TNFAIP8L3: variants seen among roughly 807,000 people sequenced by gnomAD.
The protein encoded by TNFAIP8L3 is tumor necrosis factor alpha-induced protein 8-like protein 3.
In TNFAIP8L3, 7 loss-of-function variants were observed where a neutral mutation model predicts 11.8. The ratio of observed to expected loss-of-function variants is 0.59; its 90% CI spans 0.34 to 1.11. The LOEUF (loss-of-function observed/expected upper bound fraction) is 1.11. Ranked by LOEUF, TNFAIP8L3 falls within the 50% of genes most tolerant of loss-of-function variation. The probability of loss-of-function intolerance (pLI) is 0.03; values close to 1 mark genes in which losing one functional copy is unlikely to be tolerated. For missense variants in TNFAIP8L3, 219 were observed against 258.6 expected, an observed-to-expected ratio of 0.85 and a Z score of 1.05; for synonymous variants, 98 against 103.8, an observed-to-expected ratio of 0.94 and a Z score of 0.34.
chr15:51,082,523 G>A (rs1310601332), intron 1 of TNFAIP8L3, among the ~76,000 whole-genome samples: 2 of 152,060 alleles, frequency 1.3e-5, no homozygotes, highest in Non-Finnish European at 2.9e-5. Context: ...GTACACCTAG[G>A]CTACATTAAT....
intron 1 of TNFAIP8L3, among the ~76,000 whole-genome samples, chr15:51,100,539 A>C (rs758135043): frequency 6.6e-6 from 1 of 152,200 alleles, no homozygotes; most frequent in Non-Finnish European, 1.5e-5. Flanking sequence ...TGTCCATAAG[A>C]GCAACATGAG....
chr15:51,058,529 CTTATG>C, intron 1 of TNFAIP8L3, 86 bp from the exon 2 acceptor site: 1 of 1,232,414 alleles, frequency 8.1e-7, no homozygotes. Flanking sequence ...CTAACTTGAA[CTTATG>C]TTCTTAGAGC....
chr15:51,076,100 CAT>C (rs1181964750), intron 1 of TNFAIP8L3, among the ~76,000 whole-genome samples: 1 of 152,140 alleles, frequency 6.6e-6, no homozygotes, highest in African/African-American at 2.4e-5. Context: ...AGGAAAGGGA[CAT>C]GTAATATATT....
upstream of TNFAIP8L3, among the ~76,000 whole-genome samples, chr15:51,097,599 T>C (rs1253273024): frequency 6.6e-6 from 1 of 152,176 alleles, no homozygotes; most frequent in African/African-American, 2.4e-5. Context: ...CTAAACAAGG[T>C]CTCGATTCCA....
Position 51,094,503 on chromosome 15 carries a change from G to T in TNFAIP8L3, c.52+41C>A. 1 of 1,440,934 alleles carries T rather than the reference G, an allele frequency of 6.9e-7. No individual in the cohort carries two copies. The highest frequency in any genetic ancestry group is 1.5e-5 in the African/African-American group (1 of 67,354). The allele number at this position is 1,440,934 out of a possible 1,614,324, so 89.3% of individuals were successfully genotyped here. A position where few individuals can be genotyped will look rare whatever the true frequency, so the allele number is the denominator to read the frequency against. On this transcript the variant is annotated intron_variant, in intron 1 of 1. Transcript: ENST00000637513. The surrounding 1 kb of genome is among the most constrained non-coding windows in gnomAD (Gnocchi z 4.4). ...ATGCCCCAGCCTCCCGTCCTCCCCA[G>T]CCCCAGCCCACCCGCCTGGGCCGTC... is the stretch of plus-strand genomic sequence containing the variant.
intron 1 of TNFAIP8L3, among the ~76,000 whole-genome samples, chr15:51,080,734 G>A (rs923224826): frequency 6.6e-6 from 1 of 152,246 alleles, no homozygotes; most frequent in African/African-American, 2.4e-5. Flanking sequence ...AACCATGTAA[G>A]GTGTACTTAA....
chr15:51,085,109 T>C (rs951585167), intron 1 of TNFAIP8L3, among the ~76,000 whole-genome samples: 1 of 152,282 alleles, frequency 6.6e-6, no homozygotes, highest in African/African-American at 2.4e-5. Flanking sequence ...CCTGCGTTGT[T>C]TGACTCAGCG....
intron 1 of TNFAIP8L3, among the ~76,000 whole-genome samples, chr15:51,060,005 C>G (rs979398942): frequency 6.6e-6 from 1 of 152,336 alleles, no homozygotes; most frequent in East Asian, 1.9e-4. Context: ...CCCAAGTGAC[C>G]CTGACATGGC....
upstream of TNFAIP8L3, among the ~76,000 whole-genome samples, chr15:51,098,250 C>T (rs2065527540): frequency 6.6e-6 from 1 of 152,196 alleles, no homozygotes. Context: ...GGAAAGGGAG[C>T]TGTCTGCAAA....
chr15:51,084,354 G>A (rs1013123594), intron 1 of TNFAIP8L3, among the ~76,000 whole-genome samples: 2 of 152,180 alleles, frequency 1.3e-5, no homozygotes, highest in Non-Finnish European at 2.9e-5. Context: ...ATCCCACTGT[G>A]TGGAAATGTC....
chr15:51,072,989 C>CTTT lies in TNFAIP8L3; in HGVS notation c.53-14547_53-14546insAAA, dbSNP rs2065321403. ...ATGTTGATCTGAAGTAAACTGGGAT[C>CTTT]CTTTTTTTTTTTTTTTTTTTTTTTG... On this transcript the variant is annotated intron_variant, in intron 1 of 1. Transcript: ENST00000637513. 6.8e-4 allele frequency among the ~76,000 whole-genome samples: 31 copies of CTTT among 45,734 alleles called. 2 individuals carry two copies. The highest frequency in any genetic ancestry group is 6.9e-4 in the Non-Finnish European group (18 of 26,000). The allele number at this position is 45,734 out of a possible 152,430, so 30.0% of individuals were successfully genotyped here.
intron 1 of TNFAIP8L3, among the ~76,000 whole-genome samples, chr15:51,082,097 A>G (rs553359476): frequency 6.6e-6 from 1 of 151,300 alleles, no homozygotes; most frequent in African/African-American, 2.4e-5. Flanking sequence ...GAAAAAGCAT[A>G]GTCAACATAG....
chr15:51,095,348 C>A, upstream of TNFAIP8L3, among the ~76,000 whole-genome samples: 1 of 152,158 alleles, frequency 6.6e-6, no homozygotes, highest in Admixed American at 6.5e-5. Context: ...TGTGCGGGAC[C>A]GAGCGCTGGG....
intron 1 of TNFAIP8L3, among the ~76,000 whole-genome samples, chr15:51,085,711 C>T (rs1470136652): frequency 6.6e-6 from 1 of 151,422 alleles, no homozygotes; most frequent in Non-Finnish European, 1.5e-5. Flanking sequence ...CACTGCCTGA[C>T]AGTGGAACAA....
At chr15:51,075,753 C>T (rs2065345159) in intron 1 of TNFAIP8L3, among the ~76,000 whole-genome samples, 1 of 152,134 alleles carries the variant, frequency 6.6e-6, no homozygotes, top group Non-Finnish European at 1.5e-5. Context: ...ATGTGCAAAA[C>T]AATAAAATGG....
At chr15:51,080,412 C>CT (rs945966673) in intron 1 of TNFAIP8L3, among the ~76,000 whole-genome samples, 70 of 148,144 alleles carry the variant, frequency 4.7e-4, no homozygotes, top group Middle Eastern at 3.6e-3. Context: ...ACTGCTTCCA[C>CT]TTTTTTTTTT....
chr15:51,081,791 G>A (rs1355178576), intron 1 of TNFAIP8L3, among the ~76,000 whole-genome samples: 1 of 152,184 alleles, frequency 6.6e-6, no homozygotes, highest in African/African-American at 2.4e-5. Context: ...GAGGTGGTTG[G>A]TAGCAGCCCT....
chr15:51,069,254 C>A (rs2065292178), intron 1 of TNFAIP8L3, among the ~76,000 whole-genome samples: 1 of 152,166 alleles, frequency 6.6e-6, no homozygotes, highest in Admixed American at 6.5e-5. Flanking sequence ...GCTGCTCAGT[C>A]CCAGAGATTC....
chr15:51,070,923 C>A (rs1404705580), intron 1 of TNFAIP8L3, among the ~76,000 whole-genome samples: 3 of 146,834 alleles, frequency 2.0e-5, no homozygotes, highest in Non-Finnish European at 4.5e-5. Flanking sequence ...TAGTGGCGGG[C>A]GCCTGTAGTC....
Sources: allele counts gnomAD v4.1 joint callset (sites outside exome capture counted in the v4.1 genomes callset), GRCh38; gene constraint gnomAD v4.1.1; non-coding constraint Gnocchi (gnomAD v3.1); transcripts MANE v1.5; gene names NCBI Gene and HGNC (gene_info 2026-07-23, HGNC 2026-07-21).